MAN1A2: variants seen among roughly 807,000 people sequenced by gnomAD.
The protein encoded by MAN1A2 is mannosyl-oligosaccharide 1,2-alpha-mannosidase IB.
In MAN1A2, 26 loss-of-function variants were observed where a neutral mutation model predicts 75.7. The observed-to-expected ratio is 0.34, with a 90% CI of 0.25 to 0.48. The LOEUF is 0.48. Ranked by LOEUF, MAN1A2 falls within the 20% of genes least tolerant of loss-of-function variation. MAN1A2 has a pLI of 0.99. For missense variants in MAN1A2, 562 were observed against 775.5 expected, an observed-to-expected ratio of 0.72 and a Z score of 3.27; for synonymous variants, 247 against 264.6, an observed-to-expected ratio of 0.93 and a Z score of 0.65.
intron 7 of MAN1A2, among the ~76,000 whole-genome samples, chr1:117,464,802 G>T (rs773798214): frequency 7.9e-5 from 12 of 152,130 alleles, no homozygotes; most frequent in Non-Finnish European, 1.5e-4. Context: ...CTGGGGAGAA[G>T]CAAAGTCTAA....
chr1:117,475,917 C>A (rs1453005501), intron 8 of MAN1A2, among the ~76,000 whole-genome samples: 1 of 152,128 alleles, frequency 6.6e-6, no homozygotes, highest in Admixed American at 6.5e-5. Context: ...ATCTCTGGTT[C>A]TAGATCCTTG....
intron 5 of MAN1A2, among the ~76,000 whole-genome samples, chr1:117,433,157 C>T (rs1024159850): frequency 6.6e-5 from 10 of 151,900 alleles, no homozygotes; most frequent in African/African-American, 2.4e-4. Flanking sequence ...ACTAGTACAG[C>T]GTGATAATTC....
intron 6 of MAN1A2, among the ~76,000 whole-genome samples, chr1:117,453,202 G>A (rs969581827): frequency 2.0e-5 from 3 of 152,148 alleles, no homozygotes; most frequent in Non-Finnish European, 4.4e-5. Context: ...TTGTTTTCAT[G>A]CCTGCCAACA....
intron 8 of MAN1A2, among the ~76,000 whole-genome samples, chr1:117,476,397 G>A (rs145129225): frequency 1.1e-3 from 169 of 152,010 alleles, no homozygotes; most frequent in African/African-American, 3.9e-3. Context: ...TTTTGTTGCC[G>A]TTGCTTTTTG....
intron 9 of MAN1A2, among the ~76,000 whole-genome samples, chr1:117,496,403 C>T (rs996743967): frequency 6.6e-6 from 1 of 151,894 alleles, no homozygotes; most frequent in African/African-American, 2.4e-5. Context: ...AATGTATGTT[C>T]CAGTAGGGTA....
At chr1:117,497,050 T>TA in intron 10 of MAN1A2, 68 bp downstream of exon 10, 1 of 1,321,876 alleles carries the variant, frequency 7.6e-7, no homozygotes, top group Non-Finnish European at 1.0e-6. Context: ...TGTTCAGCAA[T>TA]AAGAAGGAGA....
intron 12 of MAN1A2, chr1:117,515,024 T>C (rs12117874): frequency 0.12 from 47,703 of 411,010 alleles, 3,110 homozygotes; most frequent in Non-Finnish European, 0.14. Flanking sequence ...GTATATGAAA[T>C]GTATACTCTA....
intron 10 of MAN1A2, among the ~76,000 whole-genome samples, chr1:117,497,329 T>G (rs1448569143): frequency 6.6e-6 from 1 of 152,028 alleles, no homozygotes; most frequent in Admixed American, 6.6e-5. Flanking sequence ...AACATAAAAT[T>G]GACTGACTTC....
In MAN1A2 at chr1:117,414,754, A is replaced by G. The variant is rs775497290; in HGVS notation, c.697A>G (p.Thr233Ala). 1.9e-6 allele frequency: 3 copies of G among 1,609,864 alleles called. No homozygotes were observed. Among genetic ancestry groups the G allele is most frequent in the Non-Finnish European group, 2.5e-6 (3 of 1,176,932 alleles). The stretch of plus-strand genomic sequence containing the variant: ...TGCTACCATAGTAGATGCTTTGGAT[A>G]CCCTTTATATCATGGGACTTCATGA... ...MGATIVDALD[T>A]LYIMGLHDEF... is the part of the protein sequence containing the mutation. Residue 233 changes from threonine to alanine, a missense_variant, in exon 4 of 13, where the codon ACC becomes GCC. Coordinates refer to ENST00000356554, the MANE Select transcript of MAN1A2 (RefSeq NM_006699.5).
chr1:117,411,295 A>G (rs1647810341), intron 3 of MAN1A2, among the ~76,000 whole-genome samples: 1 of 151,774 alleles, frequency 6.6e-6, no homozygotes, highest in South Asian at 2.1e-4. Context: ...TACATGGTTA[A>G]TTGATTTTCA....
chr1:117,458,756 T>C (rs1224752675), intron 6 of MAN1A2, among the ~76,000 whole-genome samples: 11 of 151,934 alleles, frequency 7.2e-5, no homozygotes, highest in Admixed American at 7.2e-4. Context: ...ACTCCTGACC[T>C]CAGGTAATCT....
At position 117,368,087 on chromosome 1, in the gene MAN1A2, T is replaced by G; in HGVS notation, c.-97T>G. 1 of 1,237,292 alleles carries G rather than the reference T, an allele frequency of 8.1e-7. No homozygotes were observed. Among genetic ancestry groups the G allele is most frequent in the Non-Finnish European group, 1.1e-6 (1 of 894,522 alleles). 76.6% of individuals were successfully genotyped at this position (1,237,292 alleles called of 1,614,324 possible). On this transcript the variant is annotated 5_prime_UTR_variant, in exon 1 of 13. Transcript: ENST00000356554. ...CCTTTAAGAGGAGCAAAATTGAGTT[T>G]TCCCATTTTGGCCAAGATTTTGAAG...
chr1:117,382,621 C>T (rs4466644), intron 1 of MAN1A2, among the ~76,000 whole-genome samples: 19,424 of 152,098 alleles, frequency 0.13, 1,324 homozygotes, highest in African/African-American at 0.15. Context: ...AGCATGATGC[C>T]GCCAGCTTTG....
intron 11 of MAN1A2, among the ~76,000 whole-genome samples, chr1:117,499,804 GGTTA>G (rs1651144629): frequency 1.3e-5 from 2 of 149,868 alleles, no homozygotes; most frequent in Admixed American, 6.7e-5. Context: ...AATTTTTAAT[GGTTA>G]GTTAAGTAAA....
chr1:117,406,945 G>A (rs770584427), intron 3 of MAN1A2, among the ~76,000 whole-genome samples: 3 of 151,876 alleles, frequency 2.0e-5, no homozygotes, highest in Non-Finnish European at 4.4e-5. Flanking sequence ...TTTTTCAAAC[G>A]ATATTTCTCA....
At chr1:117,494,416 G>A (rs988339940) in intron 9 of MAN1A2, 8 of 151,890 alleles carry the variant, frequency 5.3e-5, no homozygotes, top group African/African-American at 1.9e-4. Flanking sequence ...TGTATATTTT[G>A]TATATAACAA....
chr1:117,381,957 T>C lies in MAN1A2; in HGVS notation c.302+13472T>C, dbSNP rs538098526. Among the ~76,000 whole-genome samples, 1,513 of 151,868 alleles carry C rather than the reference T, an allele frequency of 1.0e-2. 21 individuals carry two copies. Among genetic ancestry groups the C allele is most frequent in the African/African-American group, 0.034 (1,405 of 41,460 alleles). On this transcript the variant is annotated intron_variant, in intron 1 of 12. Transcript: ENST00000356554. ...GCCAGTGATGATGAGCATTTTTTCATGTGTCTTTTGGCTGCATAAATGTCT... is the reference window on the plus strand; with the variant it reads ...GCCAGTGATGATGAGCATTTTTTCACGTGTCTTTTGGCTGCATAAATGTCT...
chr1:117,481,108 C>T, intron 8 of MAN1A2, among the ~76,000 whole-genome samples: 1 of 151,916 alleles, frequency 6.6e-6, no homozygotes, highest in East Asian at 1.9e-4. Flanking sequence ...CAGTATTTAT[C>T]CATTGACCTG....
chr1:117,495,072 ATT>A (rs1478286696), intron 9 of MAN1A2: 1 of 151,684 alleles, frequency 6.6e-6, no homozygotes, highest in Admixed American at 6.6e-5. Context: ...AAAAAATTGT[ATT>A]TGTCATTGTT....
Sources: allele counts gnomAD v4.1 joint callset (sites outside exome capture counted in the v4.1 genomes callset), GRCh38; gene constraint gnomAD v4.1.1; transcripts MANE v1.5; gene names NCBI Gene and HGNC (gene_info 2026-07-23, HGNC 2026-07-21).